Variants in RNPEPL1 observed in about 807,000 individuals in gnomAD.
The protein encoded by RNPEPL1 is aminopeptidase RNPEPL1.
A neutral mutation model predicts 69.0 loss-of-function variants in RNPEPL1; 46 were observed. The observed-to-expected ratio is 0.67, with a 90% CI of 0.53 to 0.85. The LOEUF (loss-of-function observed/expected upper bound fraction) is 0.85, where lower values mean the gene tolerates loss of function less well. Among genes scored for constraint, RNPEPL1 ranks in the 40% least tolerant of loss-of-function variants. The pLI is 0.00. For missense variants in RNPEPL1, 869 were observed against 992.5 expected (o/e 0.88, Z 1.67); for synonymous variants, 525 against 454.1 (o/e 1.16, Z -1.98).
At position 240,574,112 on chromosome 2, in the gene RNPEPL1, G is replaced by A; in HGVS notation, c.939-1G>A. 1 of 1,612,462 alleles carries A rather than the reference G, an allele frequency of 6.2e-7. No individual in the cohort carries two copies. Among genetic ancestry groups the A allele is most frequent in the Non-Finnish European group, 8.5e-7 (1 of 1,179,544 alleles). On this transcript the variant is annotated splice_acceptor_variant, in intron 4 of 10. Coordinates refer to ENST00000270357, the MANE Select transcript of RNPEPL1 (RefSeq NM_018226.6). LOFTEE classifies it high-confidence loss of function. ...CCACCCTCACCGCCCTCCCGGTGCA[G>A]GTACGACATTGTCTTCCTGCCACCC...
In RNPEPL1 at chr2:240,575,115, C is replaced by T. The variant is rs562638112; in HGVS notation, c.1374C>T (p.Asp458=). The change falls in exon 7 of 11, where the codon GAC becomes GAT. Residue 458 remains aspartate (D), a synonymous_variant. Coordinates refer to ENST00000270357, the MANE Select transcript of RNPEPL1 (RefSeq NM_018226.6). The part of the protein sequence containing the change: ...FVYYLSQLCG[D]PQRFDDFLRA... Reference sequence around the variant, plus strand: ...ACTACCTGTCCCAGCTCTGCGGAGACCCACAGCGCTTTGATGACTTTCTCC... The same window carrying T: ...ACTACCTGTCCCAGCTCTGCGGAGATCCACAGCGCTTTGATGACTTTCTCC... The T allele has an allele frequency of 3.7e-6, 6 of 1,613,558 alleles. No individual in the cohort carries two copies. Among genetic ancestry groups the T allele is most frequent in the Middle Eastern group, 1.7e-4 (1 of 6,060 alleles).
Position 240,578,539 on chromosome 2 carries a change from G to A in RNPEPL1, c.*647G>A, listed in dbSNP as rs1337177785. On this transcript the variant is annotated 3_prime_UTR_variant, in exon 11 of 11. Coordinates refer to ENST00000270357, the MANE Select transcript of RNPEPL1 (RefSeq NM_018226.6). ...GGAGAGTGTGGGGACAGGACAGCCT[G>A]TCTCTTGTAGCTTCCTGGGGTGGGA... 6.6e-6 allele frequency: 1 copy of A among 152,416 alleles called. No homozygotes were observed. The highest frequency in any genetic ancestry group is 1.9e-4 in the East Asian group (1 of 5,242). 9.4% of individuals were successfully genotyped at this position (152,416 alleles called of 1,614,324 possible). A position where few individuals can be genotyped will look rare whatever the true frequency, so the allele number is the denominator to read the frequency against.
rs967120378 is a variant in RNPEPL1 at position 240,570,404 on chromosome 2, C to T, written c.528+1290C>T. Among the ~76,000 whole-genome samples, 4 of 152,210 alleles carry T rather than the reference C, an allele frequency of 2.6e-5. No homozygotes were observed. The East Asian group carries it at 5.8e-4, about 22-fold the overall frequency. On this transcript the variant is annotated intron_variant, in intron 1 of 10. Transcript: ENST00000270357. ...GGCAGGCTGTGGACAGGGGGCCTAG[C>T]GTCACCTGGCCTGTGAGCCGCCCTA...
chr2:240,571,456 C>T (rs893311009), intron 1 of RNPEPL1, among the ~76,000 whole-genome samples: 6 of 152,142 alleles, frequency 3.9e-5, no homozygotes, highest in Non-Finnish European at 5.9e-5. Flanking sequence ...GTGGATACGA[C>T]GTGCAGGGCT....
In RNPEPL1 at chr2:240,580,081, TGCCC is replaced by T. The variant is rs1479707789; in HGVS notation, c.*2195_*2198del. 1 of 152,286 alleles carries T rather than the reference TGCCC, an allele frequency of 6.6e-6. No individual in the cohort carries two copies. Among genetic ancestry groups the T allele is most frequent in the African/African-American group, 2.4e-5 (1 of 41,436 alleles). 9.4% of individuals were successfully genotyped at this position (152,286 alleles called of 1,614,324 possible). A position where few individuals can be genotyped will look rare whatever the true frequency, so the allele number is the denominator to read the frequency against. On this transcript the variant is annotated 3_prime_UTR_variant, in exon 11 of 11. Transcript: ENST00000270357. The stretch of plus-strand genomic sequence containing the variant: ...CTCACCACAATCTGTCTTGGCTCTG[TGCCC>T]GCCCGTGGGGTACACAGGAGGGCTC...
chr2:240,576,466 C>T (rs1021245855), intron 8 of RNPEPL1, 69 bp from the exon 9 acceptor site: 15 of 1,446,036 alleles, frequency 1.0e-5, no homozygotes, highest in Non-Finnish European at 1.4e-5. Context: ...CTGGGGTCTC[C>T]TGGGCAGATT....
intron 6 of RNPEPL1, 58 bp downstream of exon 6, chr2:240,574,686 T>G: frequency 7.4e-7 from 1 of 1,354,122 alleles, no homozygotes; most frequent in Non-Finnish European, 1.0e-6. Context: ...CAAGGCCTCC[T>G]TGCCTGCCCT....
At position 240,573,961 on chromosome 2, in the gene RNPEPL1, C is replaced by T. The variant is rs986331499; in HGVS notation, c.938+70C>T. 7.6e-6 allele frequency: 11 copies of T among 1,443,028 alleles called. No homozygotes were observed. In the African/African-American group the frequency reaches 1.4e-4, roughly 18 times the overall value. The allele number at this position is 1,443,028 out of a possible 1,614,324, so 89.4% of individuals were successfully genotyped here. On this transcript the variant is annotated intron_variant, in intron 4 of 10. Coordinates refer to ENST00000270357, the MANE Select transcript of RNPEPL1 (RefSeq NM_018226.6). ...TCAGAGGGGGAGCCCCTCGTCTGAC[C>T]CCTGGGGTGTCCTGTCCCCATCTCC...
intron 1 of RNPEPL1, among the ~76,000 whole-genome samples, chr2:240,570,379 G>A (rs2093017789): frequency 6.6e-6 from 1 of 152,234 alleles, no homozygotes; most frequent in Non-Finnish European, 1.5e-5. Flanking sequence ...TGTCAGGGTT[G>A]GCAGGCTGTG....
At chr2:240,573,503 C>A (rs1039553190) in intron 3 of RNPEPL1, among the ~76,000 whole-genome samples, 1 of 152,236 alleles carries the variant, frequency 6.6e-6, no homozygotes. Context: ...TGCCAAGGCC[C>A]CCGCACAGCC....
chr2:240,571,772 C>T (rs938862706), intron 1 of RNPEPL1, among the ~76,000 whole-genome samples: 1 of 151,904 alleles, frequency 6.6e-6, no homozygotes, highest in African/African-American at 2.4e-5. Flanking sequence ...CCCCCGGCCT[C>T]CAGGCAGCGG....
At chr2:240,574,092 C>T (rs996906692) in intron 4 of RNPEPL1, 21 bp from the exon 5 acceptor site, 8 of 1,604,578 alleles carry the variant, frequency 5.0e-6, no homozygotes, top group South Asian at 2.2e-5. Context: ...GTCTGCCACC[C>T]TCACCGCCCT....
rs1189097094 is a variant in RNPEPL1, at chr2:240,576,672, G to A, written c.1648G>A (p.Ala550Thr). The A allele has an allele frequency of 3.7e-6, 6 of 1,613,016 alleles. No individual in the cohort carries two copies. The highest frequency in any genetic ancestry group is 1.1e-5 in the South Asian group (1 of 91,084). Residue 550 changes from alanine (A) to threonine (T), a missense_variant, in exon 9 of 11, where the codon GCC becomes ACC. This residue lies in a region of RNPEPL1 where 610 missense variants were observed against 790.9 expected (regional missense o/e 0.77). Coordinates refer to ENST00000270357, the MANE Select transcript of RNPEPL1 (RefSeq NM_018226.6). ...CGCAGAACCTCTGGACCAGGCAGCT[G>A]CCTCGGCCAGCGCCATTGACATCTC... ...WTAEPLDQAA[A>T]SASAIDISKW...
rs1169521562 is a variant in RNPEPL1, at chr2:240,568,812, G to C, written c.226G>C (p.Val76Leu). ...GCTGCGGCCCGCGCCCCGCGCGCTC[G>C]TGCTCGACGCGCACCCGGCTCTGCG... ...CALRPAPRAL[V>L]LDAHPALRLH... Residue 76 changes from valine to leucine, a missense_variant, in exon 1 of 11, where the codon GTG becomes CTG. By Grantham distance (32) the Val-to-Leu change is conservative. Coordinates refer to ENST00000270357, the MANE Select transcript of RNPEPL1 (RefSeq NM_018226.6). This position sits in a 1 kb window ranked among gnomAD's most constrained non-coding sequence, Gnocchi z 6.2. 2.7e-6 allele frequency: 3 copies of C among 1,105,794 alleles called. No individual in the cohort carries two copies. Among genetic ancestry groups the C allele is most frequent in the South Asian group, 3.1e-5 (1 of 32,236 alleles). The allele number at this position is 1,105,794 out of a possible 1,614,324, so 68.5% of individuals were successfully genotyped here. A position where few individuals can be genotyped will look rare whatever the true frequency, so the allele number is the denominator to read the frequency against.
rs768918963 is a variant in RNPEPL1, at chr2:240,574,187, C to T, written c.1013C>T (p.Ser338Phe). ...AACCCCTGCCTCACCTTCATCATCT[C>T]CTCCATCCTGGAGAGCGATGAGTTC... Reference protein sequence around the residue: ...MENPCLTFIISSILESDEFLV... With the variant: ...MENPCLTFIIFSILESDEFLV... Residue 338 changes from serine to phenylalanine, a missense_variant, in exon 5 of 11, where the codon TCC becomes TTC. Ser to Phe is a radical substitution (Grantham distance 155). Coordinates refer to ENST00000270357, the MANE Select transcript of RNPEPL1 (RefSeq NM_018226.6). 1.9e-6 allele frequency: 3 copies of T among 1,613,544 alleles called. No individual in the cohort carries two copies. The highest frequency in any genetic ancestry group is 2.2e-5 in the East Asian group (1 of 44,872).
rs774269064 is a variant in RNPEPL1 at position 240,577,943 on chromosome 2, C to T, written c.*51C>T. ...CTCCCAGACACCACAATTGTGCCTT[C>T]TGTGGGCCAGGCCTGCCATGACTGC... On this transcript the variant is annotated 3_prime_UTR_variant, in exon 11 of 11. Coordinates refer to ENST00000270357, the MANE Select transcript of RNPEPL1 (RefSeq NM_018226.6). 4.9e-6 allele frequency: 7 copies of T among 1,419,138 alleles called. No individual in the cohort carries two copies. The highest frequency in any genetic ancestry group is 6.5e-6 in the Non-Finnish European group (7 of 1,075,356). The allele number at this position is 1,419,138 out of a possible 1,614,324, so 87.9% of individuals were successfully genotyped here. A position where few individuals can be genotyped will look rare whatever the true frequency, so the allele number is the denominator to read the frequency against.
intron 1 of RNPEPL1, among the ~76,000 whole-genome samples, chr2:240,570,346 C>T (rs555704400): frequency 1.1e-4 from 17 of 152,316 alleles, no homozygotes; most frequent in Non-Finnish European, 2.9e-5. Flanking sequence ...GGGAGAGTGG[C>T]ATAGTCCCCC....
rs995988256 is a variant in RNPEPL1, at chr2:240,579,457, T to C, written c.*1565T>C. The stretch of plus-strand genomic sequence containing the variant: ...ACATGTGTTGCTTCATGTACCTTCT[T>C]CACATCAGGTCTGGGGGAGGCGCCA... On this transcript the variant is annotated 3_prime_UTR_variant, in exon 11 of 11. Coordinates refer to ENST00000270357, the MANE Select transcript of RNPEPL1 (RefSeq NM_018226.6). The C allele has an allele frequency of 1.3e-5, 2 of 152,030 alleles. No individual in the cohort carries two copies. The highest frequency in any genetic ancestry group is 4.8e-5 in the African/African-American group (2 of 41,344). The allele number at this position is 152,030 out of a possible 1,614,324, so 9.4% of individuals were successfully genotyped here.
Position 240,569,352 on chromosome 2 carries a change from G to T in RNPEPL1, c.528+238G>T, listed in dbSNP as rs149996513. 6.7e-4 allele frequency: 318 copies of T among 477,712 alleles called. 2 individuals are homozygous for T. The highest frequency in any genetic ancestry group is 5.8e-3 in the African/African-American group (282 of 48,380). 29.6% of individuals were successfully genotyped at this position (477,712 alleles called of 1,614,324 possible). On this transcript the variant is annotated intron_variant, in intron 1 of 10. Transcript: ENST00000270357. ...GGGAAGCCTCCCGTTCAGGTGTCTG[G>T]TCCCTGCCTGGGGACATGAGCAGCT...
Sources: allele counts gnomAD v4.1 joint callset (sites outside exome capture counted in the v4.1 genomes callset), GRCh38; gene constraint gnomAD v4.1.1; regional missense constraint gnomAD v4.1.1; non-coding constraint Gnocchi (gnomAD v3.1); transcripts MANE v1.5; gene names NCBI Gene and HGNC (gene_info 2026-07-23, HGNC 2026-07-21).